The following PCCA variants were observed in gnomAD, a reference collection of about 807,000 sequenced individuals.
PCCA encodes propionyl-CoA carboxylase subunit alpha, also known as propionyl-CoA carboxylase alpha chain, mitochondrial.
A neutral mutation model predicts 101.3 loss-of-function variants in PCCA; 74 were observed. The observed-to-expected ratio is 0.73, with a 90% CI of 0.61 to 0.89. The LOEUF (loss-of-function observed/expected upper bound fraction) is 0.89, where lower values mean the gene tolerates loss of function less well. PCCA is among the 40% of genes least tolerant of loss of function. The probability of loss-of-function intolerance (pLI) is 0.00; values close to 1 mark genes in which losing one functional copy is unlikely to be tolerated. For synonymous variants in PCCA, 294 were observed against 313.6 expected (o/e 0.94, Z 0.66); for missense variants, 891 against 907.0 (o/e 0.98, Z 0.23).
chr13:100,402,278 C>A (rs1432570380), intron 19 of PCCA, among the ~76,000 whole-genome samples: 2 of 151,032 alleles, frequency 1.3e-5, no homozygotes, highest in Non-Finnish European at 2.9e-5. Context: ...TTTAAAGAAC[C>A]ATGTTGTCAG....
chr13:100,385,286 T>C (rs984713414), intron 19 of PCCA, among the ~76,000 whole-genome samples: 7 of 152,192 alleles, frequency 4.6e-5, no homozygotes, highest in Admixed American at 1.3e-4. Flanking sequence ...TGCTTAAAAA[T>C]GTAAAAATTT....
At chr13:100,319,607 T>G (rs1267507217) in intron 16 of PCCA, among the ~76,000 whole-genome samples, 2 of 152,200 alleles carry the variant, frequency 1.3e-5, no homozygotes, top group Non-Finnish European at 2.9e-5. Context: ...TTTCCCCATT[T>G]CTTGTTTTTG....
chr13:100,434,545 A>G (rs1284692518), intron 20 of PCCA, among the ~76,000 whole-genome samples: 1 of 152,074 alleles, frequency 6.6e-6, no homozygotes, highest in Non-Finnish European at 1.5e-5. Flanking sequence ...TAGCCCTGGG[A>G]TACTTTCATG....
At chr13:100,380,926 G>T (rs1326047802) in intron 19 of PCCA, among the ~76,000 whole-genome samples, 1 of 152,210 alleles carries the variant, frequency 6.6e-6, no homozygotes, top group African/African-American at 2.4e-5. Flanking sequence ...ATAGGCAAAA[G>T]ATCTGAATAG....
chr13:100,522,992 G>A (rs2087430995), intron 22 of PCCA, among the ~76,000 whole-genome samples: 1 of 152,160 alleles, frequency 6.6e-6, no homozygotes, highest in Admixed American at 6.5e-5. Context: ...TGCTTGTGGG[G>A]GCTTCCTTTT....
At chr13:100,246,415 T>C (rs893512961) in intron 8 of PCCA, among the ~76,000 whole-genome samples, 1 of 152,134 alleles carries the variant, frequency 6.6e-6, no homozygotes, top group Non-Finnish European at 1.5e-5. Context: ...GCTCAAGCGA[T>C]CCTCCCACCT....
intron 2 of PCCA, among the ~76,000 whole-genome samples, chr13:100,108,926 T>G (rs1007971945): frequency 5.9e-5 from 9 of 152,290 alleles, no homozygotes; most frequent in Middle Eastern, 3.4e-3. Context: ...AGAAGAAAAT[T>G]TTATGTATGG....
chr13:100,192,328 G>GGT (rs2057791053), intron 6 of PCCA, among the ~76,000 whole-genome samples: 1 of 152,166 alleles, frequency 6.6e-6, no homozygotes, highest in African/African-American at 2.4e-5. Flanking sequence ...AAATAAGCGA[G>GGT]GTCCTGGTGC....
At chr13:100,423,031 TGCAGACATCGAG>T in intron 19 of PCCA, among the ~76,000 whole-genome samples, 1 of 151,948 alleles carries the variant, frequency 6.6e-6, no homozygotes, top group Non-Finnish European at 1.5e-5. Flanking sequence ...CCAAATTGTA[TGCAGACATCGAG>T]TATTGGTTGT....
intron 8 of PCCA, among the ~76,000 whole-genome samples, chr13:100,243,542 G>C (rs1181298192): frequency 6.6e-6 from 1 of 152,268 alleles, no homozygotes; most frequent in South Asian, 2.1e-4. Context: ...AATAAATTCA[G>C]TATATACTTG....
chr13:100,229,440 G>A (rs985504867), intron 7 of PCCA, among the ~76,000 whole-genome samples: 3 of 152,176 alleles, frequency 2.0e-5, no homozygotes, highest in African/African-American at 7.2e-5. Flanking sequence ...CTGTAATAAA[G>A]AAATCAATGT....
intron 7 of PCCA, 126 bp downstream of exon 7, chr13:100,209,589 T>A (rs2059081822): frequency 1.4e-6 from 1 of 716,896 alleles, no homozygotes; most frequent in Admixed American, 2.0e-5. Flanking sequence ...TGCACGCACA[T>A]ACATACATGT....
chr13:100,127,253 C>G (rs2152314596), intron 4 of PCCA, among the ~76,000 whole-genome samples: 1 of 152,116 alleles, frequency 6.6e-6, no homozygotes, highest in South Asian at 2.1e-4. Context: ...TTTTTTTAAT[C>G]TGTGGGAAGT....
chr13:100,232,353 T>TGTGCGTGC (rs375518173), intron 7 of PCCA, among the ~76,000 whole-genome samples: 3 of 136,482 alleles, frequency 2.2e-5, no homozygotes, highest in African/African-American at 5.9e-5. Context: ...TGTGTATGCG[T>TGTGCGTGC]GTGTGTGTGT....
rs529996886 is a variant in PCCA, at chr13:100,444,511, T to C, written c.1846-4741T>C. ...AGGCTGGAGTGCAGTGATGCAATCT[T>C]GGCTCACTGCAAGCTCTGCCTCCCG... On this transcript the variant is annotated intron_variant, in intron 20 of 23. Coordinates refer to ENST00000376285, the MANE Select transcript of PCCA (RefSeq NM_000282.4). Among the ~76,000 whole-genome samples the C allele has an allele frequency of 2.3e-4, 30 of 130,232 alleles. No individual in the cohort carries two copies. The East Asian group carries it at 4.7e-3, about 20-fold the overall frequency. The allele number at this position is 130,232 out of a possible 152,430, so 85.4% of individuals were successfully genotyped here. A position where few individuals can be genotyped will look rare whatever the true frequency, so the allele number is the denominator to read the frequency against.
At chr13:100,151,627 CAAAA>C (rs995531429) in intron 4 of PCCA, among the ~76,000 whole-genome samples, 5 of 150,732 alleles carry the variant, frequency 3.3e-5, no homozygotes, top group African/African-American at 4.9e-5. Context: ...CAAAACAAAA[CAAAA>C]AAAACCCTAA....
intron 16 of PCCA, among the ~76,000 whole-genome samples, chr13:100,315,610 C>T (rs891172288): frequency 2.0e-5 from 3 of 152,124 alleles, no homozygotes; most frequent in Non-Finnish European, 2.9e-5. Context: ...ATTTCAAAAT[C>T]CTCATGAAAT....
chr13:100,194,171 G>A (rs1278008017), intron 6 of PCCA, among the ~76,000 whole-genome samples: 3 of 151,978 alleles, frequency 2.0e-5, no homozygotes, highest in Non-Finnish European at 2.9e-5. Flanking sequence ...CAGCAATTAA[G>A]TGCTTAAAAC....
chr13:100,370,340 C>T (rs1198079277), intron 19 of PCCA, among the ~76,000 whole-genome samples: 1 of 152,054 alleles, frequency 6.6e-6, no homozygotes, highest in Non-Finnish European at 1.5e-5. Context: ...CTGTCTCAGC[C>T]TCCCAAAGTG....
Sources: gnomAD v4.1 joint callset for allele counts (sites outside exome capture counted in the v4.1 genomes callset) on GRCh38, gnomAD v4.1.1 for gene constraint, MANE v1.5 for transcripts, NCBI Gene and HGNC (gene_info 2026-07-23, HGNC 2026-07-21) for gene names.